CALN1: variants seen among roughly 807,000 people sequenced by gnomAD.
The protein encoded by CALN1 is calcium-binding protein 8.
Under a neutral mutation model 30.6 loss-of-function variants are expected in CALN1, and 17 were observed. The observed-to-expected ratio is 0.56, with a 90% CI of 0.38 to 0.83. CALN1 has a LOEUF of 0.83. Ranked by LOEUF, CALN1 falls within the 40% of genes least tolerant of loss-of-function variation. The pLI is 0.00. For synonymous variants in CALN1, 156 were observed against 131.4 expected (o/e 1.19, Z -1.28); for missense variants, 291 against 354.9 (o/e 0.82, Z 1.45).
At chr7:72,351,255 C>G (rs1421490099) in intron 2 of CALN1, among the ~76,000 whole-genome samples, 1 of 152,074 alleles carries the variant, frequency 6.6e-6, no homozygotes, top group Non-Finnish European at 1.5e-5. Flanking sequence ...GTAATCCTAG[C>G]CCTTTGGGAG....
chr7:72,336,636 G>C, intron 2 of CALN1: 1 of 956,628 alleles, frequency 1.0e-6, no homozygotes. Context: ...AGAGAGAAGC[G>C]AGGACCGAGG....
Position 71,818,672 on chromosome 7 carries a change from TTTTATTTATTTATTTATTTA to T in CALN1, c.502-8200_502-8181del, listed in dbSNP as rs72244772. ...GGCACTTGCCACCATGACCAGCTTA[TTTTATTTATTTATTTATTTA>T]TTTATTTATTTATTTATTTATTTAT... On this transcript the variant is annotated intron_variant, in intron 5 of 6. Transcript: ENST00000395275. Among the ~76,000 whole-genome samples, 677 of 131,132 alleles carry T rather than the reference TTTTATTTATTTATTTATTTA, an allele frequency of 5.2e-3. 4 individuals carry two copies. Among genetic ancestry groups the T allele is most frequent in the East Asian group, 0.025 (111 of 4,448 alleles). 86.0% of individuals were successfully genotyped at this position (131,132 alleles called of 152,430 possible).
upstream of CALN1, chr7:72,447,202 G>C (rs533025292): frequency 9.8e-5 from 15 of 153,166 alleles, no homozygotes; most frequent in African/African-American, 3.6e-4. Flanking sequence ...TTTGGTAACT[G>C]AGCAGATTTA....
rs191560666 is a variant in CALN1, at chr7:72,310,594, G to C, written c.120-31784C>G. 1.2e-3 allele frequency among the ~76,000 whole-genome samples: 178 copies of C among 151,880 alleles called. 1 individual carries two copies. The highest frequency in any genetic ancestry group is 4.1e-3 in the Admixed American group (62 of 15,234). ...TGGCGGTGGACACTTGATGCATCTGGTGACATCTACATCAAAACGTAAGAG... is the reference window on the plus strand; with the variant it reads ...TGGCGGTGGACACTTGATGCATCTGCTGACATCTACATCAAAACGTAAGAG... On this transcript the variant is annotated intron_variant, in intron 2 of 6. Transcript: ENST00000395275.
chr7:72,403,245 A>T lies in CALN1; in HGVS notation c.119+6T>A, dbSNP rs560626705. On this transcript the variant is annotated splice_donor_region_variant and intron_variant, in intron 2 of 6. Transcript: ENST00000395275. ...AGGTCCTTGGGTTTGGGGGAAGAAG[A>T]CTTGCCAGGTGGGGAAGTCGGGGGC... 4 of 1,547,314 alleles carry T rather than the reference A, an allele frequency of 2.6e-6. No homozygotes were observed. The Admixed American group carries it at 5.9e-5, about 23-fold the overall frequency.
In CALN1 at chr7:72,105,806, G is replaced by A. The variant is rs1189199800; in HGVS notation, c.388+345C>T. On this transcript the variant is annotated intron_variant, in intron 4 of 6. Coordinates refer to ENST00000395275, the MANE Select transcript of CALN1 (RefSeq NM_031468.4). ...GAGGAGGGGGGAGGGAGGGAGGGAG[G>A]AGGAGGAGGGGGAGGGAGAGGGGGA... 1.6e-4 allele frequency among the ~76,000 whole-genome samples: 15 copies of A among 96,398 alleles called. 1 individual carries two copies. In the East Asian group the frequency reaches 7.1e-3, roughly 45 times the overall value. 63.2% of individuals were successfully genotyped at this position (96,398 alleles called of 152,430 possible). A position where few individuals can be genotyped will look rare whatever the true frequency, so the allele number is the denominator to read the frequency against.
chr7:71,957,241 A>G (rs1024944349), intron 5 of CALN1, among the ~76,000 whole-genome samples: 1 of 152,166 alleles, frequency 6.6e-6, no homozygotes, highest in Admixed American at 6.5e-5. Flanking sequence ...TTTCAGAAAG[A>G]TTGATAGGAG....
At chr7:72,264,584 T>C (rs944835235) in intron 3 of CALN1, among the ~76,000 whole-genome samples, 5 of 151,930 alleles carry the variant, frequency 3.3e-5, no homozygotes, top group Admixed American at 6.6e-5. Context: ...TCCTGGAACC[T>C]GGAACTCTTA....
intron 3 of CALN1, among the ~76,000 whole-genome samples, chr7:72,269,973 A>T (rs1456767369): frequency 2.0e-5 from 3 of 152,210 alleles, no homozygotes; most frequent in Non-Finnish European, 4.4e-5. Flanking sequence ...GATTAATCAG[A>T]GAATTAAAGA....
rs576589429 is a variant in CALN1, at chr7:72,118,389, C to T, written c.245-12095G>A. 9.2e-5 allele frequency among the ~76,000 whole-genome samples: 14 copies of T among 152,252 alleles called. No individual in the cohort carries two copies. The South Asian group carries it at 2.7e-3, about 29-fold the overall frequency. ...GGTAACTTTATGAGGTGGTGAAATT[C>T]TACTACTCAGGTCATGAAAAGTATT... is the stretch of plus-strand genomic sequence containing the variant. On this transcript the variant is annotated intron_variant, in intron 3 of 6. Coordinates refer to ENST00000395275, the MANE Select transcript of CALN1 (RefSeq NM_031468.4).
At chr7:72,282,404 T>G (rs1797789431) in intron 2 of CALN1, among the ~76,000 whole-genome samples, 1 of 152,234 alleles carries the variant, frequency 6.6e-6, no homozygotes, top group African/African-American at 2.4e-5. Flanking sequence ...TGTCCCCCAG[T>G]AATTCATACA....
chr7:72,332,522 A>G lies in CALN1; in HGVS notation c.120-53712T>C, dbSNP rs138733078. ...TTGGACCAAATTGAGCCCCACCTCCAAAGTTGAGTCCCACCTCCTACCTCA... is the reference window on the plus strand; with the variant it reads ...TTGGACCAAATTGAGCCCCACCTCCGAAGTTGAGTCCCACCTCCTACCTCA... On this transcript the variant is annotated intron_variant, in intron 2 of 6. Coordinates refer to ENST00000395275, the MANE Select transcript of CALN1 (RefSeq NM_031468.4). Among the ~76,000 whole-genome samples, 1,197 of 151,930 alleles carry G rather than the reference A, an allele frequency of 7.9e-3. 18 individuals are homozygous for G. The highest frequency in any genetic ancestry group is 0.028 in the African/African-American group (1,142 of 41,412).
chr7:72,187,308 A>G lies in CALN1; in HGVS notation c.245-81014T>C, dbSNP rs557496093. Among the ~76,000 whole-genome samples, 4 of 152,222 alleles carry G rather than the reference A, an allele frequency of 2.6e-5. No homozygotes were observed. In the East Asian group the frequency reaches 7.7e-4, roughly 29 times the overall value. Reference sequence around the variant, plus strand: ...GTAGAAAACTACTAAGAATGCAAGGAATTCTTGTCCATAGAGATGCAGATT... The same window carrying G: ...GTAGAAAACTACTAAGAATGCAAGGGATTCTTGTCCATAGAGATGCAGATT... On this transcript the variant is annotated intron_variant, in intron 3 of 6. Coordinates refer to ENST00000395275, the MANE Select transcript of CALN1 (RefSeq NM_031468.4).
intron 5 of CALN1, among the ~76,000 whole-genome samples, chr7:71,827,779 T>TAAAA (rs781349908): frequency 8.3e-5 from 7 of 84,482 alleles, no homozygotes; most frequent in South Asian, 2.8e-4. Context: ...CTTAAAAAAA[T>TAAAA]AAATAAATAA....
chr7:71,861,199 G>T (rs2116661564), intron 5 of CALN1, among the ~76,000 whole-genome samples: 1 of 152,198 alleles, frequency 6.6e-6, no homozygotes, highest in East Asian at 1.9e-4. Flanking sequence ...GTGCGTGTGT[G>T]TGTGTTACGC....
At chr7:71,999,788 C>T (rs944846751) in intron 5 of CALN1, among the ~76,000 whole-genome samples, 3 of 152,148 alleles carry the variant, frequency 2.0e-5, no homozygotes, top group Admixed American at 6.5e-5. Context: ...GCTGAGATTA[C>T]AGGCATGAGA....
intron 5 of CALN1, among the ~76,000 whole-genome samples, chr7:71,968,059 T>C (rs1489420838): frequency 6.6e-6 from 1 of 152,212 alleles, no homozygotes; most frequent in Non-Finnish European, 1.5e-5. Context: ...AATGAAAATA[T>C]ATGCCCACAC....
chr7:71,997,712 A>T (rs554889024), intron 5 of CALN1, among the ~76,000 whole-genome samples: 2 of 152,362 alleles, frequency 1.3e-5, no homozygotes, highest in East Asian at 3.9e-4. Context: ...AGGCAAAAAA[A>T]ATTCAAATGA....
intron 2 of CALN1, among the ~76,000 whole-genome samples, chr7:72,389,495 G>A (rs1278362677): frequency 1.3e-5 from 2 of 152,146 alleles, no homozygotes. Flanking sequence ...TTCCCTGTTA[G>A]GCTTTAATTT....
Sources: gnomAD v4.1 joint callset for allele counts (sites outside exome capture counted in the v4.1 genomes callset) on GRCh38, gnomAD v4.1.1 for gene constraint, MANE v1.5 for transcripts, NCBI Gene and HGNC (gene_info 2026-07-23, HGNC 2026-07-21) for gene names.